Variants in USP42 observed in about 807,000 individuals in gnomAD.
USP42 encodes ubiquitin specific peptidase 42.
A neutral mutation model predicts 113.0 loss-of-function variants in USP42; 23 were observed. That is an observed-to-expected ratio of 0.20 (90% CI 0.15 to 0.29). USP42 has a LOEUF of 0.29. Among genes scored for constraint, USP42 ranks in the 10% least tolerant of loss-of-function variants. The pLI is 1.00. For missense variants in USP42, 2,174 were observed against 1,779.8 expected, an observed-to-expected ratio of 1.22 and a Z score of -3.99; for synonymous variants, 933 against 699.0, an observed-to-expected ratio of 1.33 and a Z score of -5.28.
intron 15 of USP42, 26 bp downstream of exon 15, chr7:6,155,221 G>A (rs749724749): frequency 1.4e-5 from 21 of 1,503,426 alleles, no homozygotes; most frequent in Admixed American, 4.7e-5. Context: ...TGTGCTCCCC[G>A]AGGCGCTGGC....
At chr7:6,120,964 A>G (rs1780195434) in intron 3 of USP42, among the ~76,000 whole-genome samples, 1 of 152,144 alleles carries the variant, frequency 6.6e-6, no homozygotes, top group Non-Finnish European at 1.5e-5. Flanking sequence ...TTGCTAGCAT[A>G]TAGAAATACA....
intron 2 of USP42, among the ~76,000 whole-genome samples, chr7:6,112,198 C>T (rs1779632524): frequency 6.6e-6 from 1 of 152,056 alleles, no homozygotes; most frequent in Non-Finnish European, 1.5e-5. Context: ...CCTGTTATCC[C>T]AGCACTTTGG....
At chr7:6,133,787 T>C (rs1291088845) in intron 3 of USP42, among the ~76,000 whole-genome samples, 1 of 152,176 alleles carries the variant, frequency 6.6e-6, no homozygotes, top group African/African-American at 2.4e-5. Context: ...CCCGAAGCAC[T>C]GGGATGACAG....
At chr7:6,135,651 C>CAAAAAAA (rs1173165919) in intron 3 of USP42, among the ~76,000 whole-genome samples, 190 bp from the exon 4 acceptor site, 1 of 16,156 alleles carries the variant, frequency 6.2e-5, no homozygotes, top group Non-Finnish European at 1.4e-4. Context: ...GACTCCATCT[C>CAAAAAAA]AAAAAAAAAA....
At chr7:6,130,821 A>G (rs938434287) in intron 3 of USP42, among the ~76,000 whole-genome samples, 10 of 152,164 alleles carry the variant, frequency 6.6e-5, no homozygotes, top group Non-Finnish European at 1.2e-4. Context: ...AGGGCACACC[A>G]TGCAGGGCCA....
At chr7:6,145,790 C>A in intron 10 of USP42, 134 bp downstream of exon 10, 1 of 1,077,786 alleles carries the variant, frequency 9.3e-7, no homozygotes, top group Non-Finnish European at 1.3e-6. Flanking sequence ...TTTCTCTTGG[C>A]CGGGCGCAGT....
At chr7:6,097,557 C>T in the USP42 span, among the ~76,000 whole-genome samples, 1 of 150,562 alleles carries the variant, frequency 6.6e-6, no homozygotes, top group Non-Finnish European at 1.5e-5. Flanking sequence ...CAAGCATAAG[C>T]CACTGCGCCC....
intron 3 of USP42, among the ~76,000 whole-genome samples, 178 bp from the exon 4 acceptor site, chr7:6,135,651 CAAAAAAAAAAAA>C (rs1173165919): frequency 5.6e-4 from 9 of 16,160 alleles, no homozygotes; most frequent in South Asian, 2.8e-3. Flanking sequence ...GACTCCATCT[CAAAAAAAAAAAA>C]AAAAAAAAAA....
At position 6,139,274 on chromosome 7, in the gene USP42, C is replaced by T. The variant is rs1246622907; in HGVS notation, c.656+80C>T. On this transcript the variant is annotated intron_variant, in intron 5 of 17. Coordinates refer to ENST00000306177, the MANE Select transcript of USP42 (RefSeq NM_032172.3). The surrounding 1 kb of genome is among the most constrained non-coding windows in gnomAD (Gnocchi z 4.5). ...TATTCTTATCAGAATTCATTTTCAC[C>T]TTTTTTGTTGGAAGCACACAGAACA... is the stretch of plus-strand genomic sequence containing the variant. 4.2e-6 allele frequency: 5 copies of T among 1,201,436 alleles called. No individual in the cohort carries two copies. The Admixed American group carries it at 7.9e-5, about 19-fold the overall frequency. The allele number at this position is 1,201,436 out of a possible 1,614,324, so 74.4% of individuals were successfully genotyped here.
chr7:6,148,998 T>C (rs1781877567), intron 12 of USP42, among the ~76,000 whole-genome samples: 2 of 152,194 alleles, frequency 1.3e-5, no homozygotes, highest in Admixed American at 6.5e-5. Context: ...GAGGAGACGC[T>C]GGGAAGGCCA....
the USP42 span, among the ~76,000 whole-genome samples, chr7:6,083,568 A>ATATG: frequency 6.6e-6 from 1 of 150,440 alleles, no homozygotes. Context: ...AAATACATAT[A>ATATG]TATGTATGTA....
intron 1 of USP42, among the ~76,000 whole-genome samples, chr7:6,109,315 G>C (rs1438833465): frequency 1.3e-5 from 2 of 152,192 alleles, no homozygotes; most frequent in East Asian, 3.8e-4. Context: ...TATTAGGTCA[G>C]ACAATGTGAA....
intron 4 of USP42, among the ~76,000 whole-genome samples, chr7:6,138,452 T>A (rs1025633010): frequency 6.6e-6 from 1 of 152,234 alleles, no homozygotes; most frequent in African/African-American, 2.4e-5. Flanking sequence ...CATAGCATTT[T>A]GGACAAACTT....
Position 6,139,288 on chromosome 7 carries a change from G to A in USP42, c.656+94G>A. On this transcript the variant is annotated intron_variant, in intron 5 of 17. Transcript: ENST00000306177. This position sits in a 1 kb window ranked among gnomAD's most constrained non-coding sequence, Gnocchi z 4.5. ...TTCATTTTCACCTTTTTTGTTGGAA[G>A]CACACAGAACAGTGTTCACTTTACC... is the stretch of plus-strand genomic sequence containing the variant. 2.0e-6 allele frequency: 2 copies of A among 1,019,272 alleles called. No individual in the cohort carries two copies. The highest frequency in any genetic ancestry group is 2.8e-6 in the Non-Finnish European group (2 of 707,586). 63.1% of individuals were successfully genotyped at this position (1,019,272 alleles called of 1,614,324 possible). A position where few individuals can be genotyped will look rare whatever the true frequency, so the allele number is the denominator to read the frequency against.
chr7:6,094,869 C>A, the USP42 span, among the ~76,000 whole-genome samples: 1 of 149,708 alleles, frequency 6.7e-6, no homozygotes, highest in Non-Finnish European at 1.5e-5. Context: ...CTCATTGCAA[C>A]CTCCGCCTCC....
intron 7 of USP42, 96 bp downstream of exon 7, chr7:6,141,080 A>G (rs1781402624): frequency 1.7e-6 from 1 of 581,760 alleles, no homozygotes; most frequent in Non-Finnish European, 2.9e-6. Flanking sequence ...GTTAGAGAAT[A>G]TAAATTGAAA....
intron 12 of USP42, among the ~76,000 whole-genome samples, chr7:6,148,248 G>T (rs1781832811): frequency 6.6e-6 from 1 of 152,038 alleles, no homozygotes; most frequent in Admixed American, 6.6e-5. Flanking sequence ...GAGGCAGGAG[G>T]ATCACTTGAG....
the USP42 span, among the ~76,000 whole-genome samples, chr7:6,083,889 T>C: frequency 1.3e-5 from 2 of 151,110 alleles, no homozygotes; most frequent in East Asian, 3.9e-4. Context: ...CTAGCAAGGA[T>C]AGATTTGTAC....
chr7:6,107,511 G>T (rs1000480515), intron 1 of USP42, among the ~76,000 whole-genome samples: 24 of 151,022 alleles, frequency 1.6e-4, no homozygotes, highest in Non-Finnish European at 7.4e-5. Flanking sequence ...CTGGGTTCAA[G>T]GGATTCTCCT....
Sources: allele counts gnomAD v4.1 joint callset (sites outside exome capture counted in the v4.1 genomes callset), GRCh38; gene constraint gnomAD v4.1.1; non-coding constraint Gnocchi (gnomAD v3.1); transcripts MANE v1.5; gene names NCBI Gene and HGNC (gene_info 2026-07-23, HGNC 2026-07-21).